The following TNPO1 variants were observed in gnomAD, a reference collection of about 807,000 sequenced individuals.
The protein encoded by TNPO1 is transportin 1.
In TNPO1, 8 loss-of-function variants were observed where a neutral mutation model predicts 119.5. The ratio of observed to expected loss-of-function variants is 0.07; its 90% confidence interval spans 0.04 to 0.12. TNPO1 has a LOEUF of 0.12. Ranked by LOEUF, TNPO1 falls within the 10% of genes least tolerant of loss-of-function variation. The probability of loss-of-function intolerance (pLI) is 1.00; values close to 1 mark genes in which losing one functional copy is unlikely to be tolerated. For missense variants in TNPO1, 576 were observed against 1,089.8 expected (o/e 0.53, Z 6.64); for synonymous variants, 362 against 363.0 (o/e 1.00, Z 0.03).
At chr5:72,819,638 A>C (rs1448239334) in intron 1 of TNPO1, among the ~76,000 whole-genome samples, 1 of 152,244 alleles carries the variant, frequency 6.6e-6, no homozygotes, top group Non-Finnish European at 1.5e-5. Flanking sequence ...AGTACTGAAA[A>C]AAAGCTGATA....
intron 15 of TNPO1, among the ~76,000 whole-genome samples, chr5:72,892,459 C>G (rs1315125374): frequency 6.6e-6 from 1 of 152,038 alleles, no homozygotes; most frequent in Admixed American, 6.6e-5. Context: ...GTGGATTGTT[C>G]TTAGCCAAAG....
rs1475731946 is a variant in TNPO1 at position 72,895,844 on chromosome 5, A to C, written c.2144-614A>C. Among the ~76,000 whole-genome samples, 3 of 152,202 alleles carry C rather than the reference A, an allele frequency of 2.0e-5. No individual in the cohort carries two copies. In the East Asian group the frequency reaches 5.8e-4, roughly 29 times the overall value. On this transcript the variant is annotated intron_variant, in intron 18 of 24. Transcript: ENST00000337273. Reference sequence around the variant, plus strand: ...CCTCCAAAGGTATCTTTGATGTTTCAGAGTTTTGTTTTTGTTTGATTGTTT... The same window carrying C: ...CCTCCAAAGGTATCTTTGATGTTTCCGAGTTTTGTTTTTGTTTGATTGTTT...
chr5:72,830,010 A>G (rs1307579315), intron 1 of TNPO1, among the ~76,000 whole-genome samples: 1 of 152,164 alleles, frequency 6.6e-6, no homozygotes, highest in Non-Finnish European at 1.5e-5. Flanking sequence ...GGGATTGTGA[A>G]GGTAGGAGAT....
chr5:72,857,830 G>A (rs539922009), intron 4 of TNPO1, among the ~76,000 whole-genome samples: 1 of 152,320 alleles, frequency 6.6e-6, no homozygotes, highest in South Asian at 2.1e-4. Flanking sequence ...ACTAGGGAGA[G>A]AAGAATTGGT....
At position 72,816,692 on chromosome 5, in the gene TNPO1, G is replaced by C; in HGVS notation, c.-46G>C. On this transcript the variant is annotated 5_prime_UTR_variant, in exon 1 of 25. Transcript: ENST00000337273. ...CAGCCATTTCAGGCCCCGGACAGGA[G>C]GCAGTGCCGCTTCGGCCGAAGGCCC... The C allele has an allele frequency of 6.5e-7, 1 of 1,548,518 alleles. No individual in the cohort carries two copies. Among genetic ancestry groups the C allele is most frequent in the Non-Finnish European group, 8.7e-7 (1 of 1,149,034 alleles).
At position 72,883,216 on chromosome 5, in the gene TNPO1, T is replaced by A. The variant is rs994211154; in HGVS notation, c.1134T>A (p.Ile378=). Residue 378 remains isoleucine, a synonymous_variant, in exon 11 of 25, where the codon ATT becomes ATA. Transcript: ENST00000337273. ...DDDEIDDDDT[I]SDWNLRKCSA... ...ATGAAATTGATGATGATGATACAATTTCTGACTGGAATCTAAGTAAGTCAG... is the reference window on the plus strand; with the variant it reads ...ATGAAATTGATGATGATGATACAATATCTGACTGGAATCTAAGTAAGTCAG... 3 of 1,513,170 alleles carry A rather than the reference T, an allele frequency of 2.0e-6. No homozygotes were observed. The highest frequency in any genetic ancestry group is 1.7e-5 in the Admixed American group (1 of 59,710). 93.7% of individuals were successfully genotyped at this position (1,513,170 alleles called of 1,614,324 possible).
chr5:72,879,851 G>T (rs560983138), intron 9 of TNPO1, among the ~76,000 whole-genome samples: 1 of 152,156 alleles, frequency 6.6e-6, no homozygotes, highest in Non-Finnish European at 1.5e-5. Context: ...AATTAAAATT[G>T]TGTGTGTTAC....
rs148456221 is a variant in TNPO1 at position 72,881,851 on chromosome 5, C to T, written c.921-616C>T. ...ACCCTCACCGTACCAGATAAATATT[C>T]ACTCTTAGCTTCTCCTTGTTGCCTC... On this transcript the variant is annotated intron_variant, in intron 9 of 24. Coordinates refer to ENST00000337273, the MANE Select transcript of TNPO1 (RefSeq NM_002270.4). 2.0e-3 allele frequency among the ~76,000 whole-genome samples: 305 copies of T among 152,244 alleles called. 3 individuals carry two copies. Among genetic ancestry groups the T allele is most frequent in the African/African-American group, 7.1e-3 (294 of 41,526 alleles).
intron 3 of TNPO1, among the ~76,000 whole-genome samples, chr5:72,853,180 G>A (rs1417708422): frequency 1.3e-5 from 2 of 152,194 alleles, no homozygotes; most frequent in Non-Finnish European, 1.5e-5. Flanking sequence ...GCCAGGCAAG[G>A]TGGCTCACGC....
Position 72,848,259 on chromosome 5 carries a change from G to T in TNPO1, c.16-126G>T, listed in dbSNP as rs1011989378. The T allele has an allele frequency of 3.0e-5, 39 of 1,312,086 alleles. No homozygotes were observed. The Admixed American group carries it at 1.3e-3, about 44-fold the overall frequency. The allele number at this position is 1,312,086 out of a possible 1,614,324, so 81.3% of individuals were successfully genotyped here. On this transcript the variant is annotated intron_variant, in intron 1 of 24. Coordinates refer to ENST00000337273, the MANE Select transcript of TNPO1 (RefSeq NM_002270.4). The stretch of plus-strand genomic sequence containing the variant: ...TCGGGGCACCTCAGGCAGGTCCGCG[G>T]CGTTTGGGGAGCGCTGGGGTTGTGG...
chr5:72,887,970 C>T (rs977851698), intron 12 of TNPO1, 108 bp from the exon 13 acceptor site: 1 of 1,015,840 alleles, frequency 9.8e-7, no homozygotes, highest in Non-Finnish European at 1.5e-6. Context: ...ATGTGTATAG[C>T]AGTAGAAATA....
rs543209930 is a variant in TNPO1 at position 72,888,229 on chromosome 5, C to T, written c.1455C>T (p.Tyr485=). The T allele has an allele frequency of 6.2e-7, 1 of 1,614,090 alleles. No individual in the cohort carries two copies. The highest frequency in any genetic ancestry group is 1.7e-5 in the Admixed American group (1 of 60,020). ...HWVVSQPPDT[Y]LKPLMTELLK... ...TGGTCAGCCAGCCGCCAGACACGTA[C>T]CTGAAGCCATTAATGACAGAATTGC... The change falls in exon 13 of 25, where the codon TAC becomes TAT. Residue 485 remains tyrosine, a synonymous_variant. Coordinates refer to ENST00000337273, the MANE Select transcript of TNPO1 (RefSeq NM_002270.4).
rs779642036 is a variant in TNPO1, at chr5:72,883,081, C to T, written c.999C>T (p.Asp333=). The stretch of plus-strand genomic sequence containing the variant: ...AACAACAGGGTGATGTTGAAGAAGA[C>T]GAAACGATTCCTGATAGTGAACAGG... ...IILLKGDVEE[D]ETIPDSEQDI... The change falls in exon 11 of 25, where the codon GAC becomes GAT. Residue 333 remains aspartate (D), a synonymous_variant. Transcript: ENST00000337273. 5.0e-6 allele frequency: 8 copies of T among 1,612,356 alleles called. No homozygotes were observed. The highest frequency in any genetic ancestry group is 1.3e-5 in the African/African-American group (1 of 74,814).
chr5:72,898,608 C>T (rs1749610531), intron 20 of TNPO1, among the ~76,000 whole-genome samples: 1 of 152,032 alleles, frequency 6.6e-6, no homozygotes, highest in African/African-American at 2.4e-5. Flanking sequence ...CTTTTAATTA[C>T]CATTATCTCA....
Position 72,828,236 on chromosome 5 carries a change from G to T in TNPO1, c.15+11484G>T, listed in dbSNP as rs1744290407. ...AGATGAGGCCAAGAAGAAGTTGTTG[G>T]GTTTGGCACCATGGAAATCTCTCAG... On this transcript the variant is annotated intron_variant, in intron 1 of 24. Coordinates refer to ENST00000337273, the MANE Select transcript of TNPO1 (RefSeq NM_002270.4). 2.0e-5 allele frequency among the ~76,000 whole-genome samples: 3 copies of T among 152,040 alleles called. No homozygotes were observed. The South Asian group carries it at 6.2e-4, about 32-fold the overall frequency.
intron 9 of TNPO1, among the ~76,000 whole-genome samples, chr5:72,878,419 T>G (rs1294982926): frequency 6.6e-6 from 1 of 151,928 alleles, no homozygotes; most frequent in Non-Finnish European, 1.5e-5. Flanking sequence ...AGCCATGAAT[T>G]TTAATTTCTC....
rs944059573 is a variant in TNPO1, at chr5:72,911,241, T to C, written c.*2568T>C. 1 of 152,244 alleles carries C rather than the reference T, an allele frequency of 6.6e-6. No individual in the cohort carries two copies. The highest frequency in any genetic ancestry group is 6.5e-5 in the Admixed American group (1 of 15,294). The allele number at this position is 152,244 out of a possible 1,614,324, so 9.4% of individuals were successfully genotyped here. Reference sequence around the variant, plus strand: ...ATTGACTAAAGGCAATATTGTCACCTGTCTCATTAAAAATTAGTTTCCAGT... The same window carrying C: ...ATTGACTAAAGGCAATATTGTCACCCGTCTCATTAAAAATTAGTTTCCAGT... On this transcript the variant is annotated 3_prime_UTR_variant, in exon 25 of 25. Transcript: ENST00000337273.
intron 8 of TNPO1, among the ~76,000 whole-genome samples, chr5:72,876,131 T>A (rs1747751195): frequency 6.6e-6 from 1 of 152,206 alleles, no homozygotes; most frequent in Non-Finnish European, 1.5e-5. Flanking sequence ...GCGGGACTGA[T>A]TGAAAGTTTA....
Position 72,909,143 on chromosome 5 carries a change from A to G in TNPO1, c.*470A>G, listed in dbSNP as rs961011091. On this transcript the variant is annotated 3_prime_UTR_variant, in exon 25 of 25. Transcript: ENST00000337273. ...AGCTTTTTTTTTTTTTTTAATTTAA[A>G]GTTTTTTTATGTAAGTTTTCCCACA... The G allele has an allele frequency of 5.2e-5, 8 of 154,596 alleles. No homozygotes were observed. Among genetic ancestry groups the G allele is most frequent in the Non-Finnish European group, 1.0e-4 (7 of 69,772 alleles). 9.6% of individuals were successfully genotyped at this position (154,596 alleles called of 1,614,324 possible).
Sources: gnomAD v4.1 joint callset for allele counts (sites outside exome capture counted in the v4.1 genomes callset) on GRCh38, gnomAD v4.1.1 for gene constraint, MANE v1.5 for transcripts, NCBI Gene and HGNC (gene_info 2026-07-23, HGNC 2026-07-21) for gene names.